Variants in TRPM6 observed in about 807,000 individuals in gnomAD.
TRPM6 encodes the protein transient receptor potential cation channel subfamily M member 6.
TRPM6 carries 111 observed loss-of-function variants against 247.6 expected under a neutral mutation model. The ratio of observed to expected loss-of-function variants is 0.45; its 90% CI spans 0.38 to 0.52. The LOEUF (loss-of-function observed/expected upper bound fraction) is 0.52. Among genes scored for constraint, TRPM6 ranks in the 20% least tolerant of loss-of-function variants. The pLI, the probability that TRPM6 is intolerant of heterozygous loss-of-function variation, is 0.00. For missense variants in TRPM6, 2,126 were observed against 2,421.5 expected, an observed-to-expected ratio of 0.88 and a Z score of 2.56; for synonymous variants, 892 against 853.8, an observed-to-expected ratio of 1.04 and a Z score of -0.78.
chr9:74,861,116 T>G (rs1402418315), intron 1 of TRPM6, among the ~76,000 whole-genome samples: 4 of 152,226 alleles, frequency 2.6e-5, no homozygotes, highest in African/African-American at 9.6e-5. Flanking sequence ...TTTCATTTAT[T>G]CATTCTCCAA....
chr9:74,735,440 G>A (rs9650767), intron 36 of TRPM6, among the ~76,000 whole-genome samples: 43,915 of 151,926 alleles, frequency 0.29, 7,023 homozygotes, highest in Middle Eastern at 0.47. Context: ...GTACATTGGT[G>A]GAAAGAAGCT....
intron 1 of TRPM6, among the ~76,000 whole-genome samples, chr9:74,870,146 A>G (rs554057288): frequency 4.1e-4 from 63 of 152,268 alleles, no homozygotes; most frequent in African/African-American, 1.3e-3. Context: ...ATCACAAAGC[A>G]TATGAAATCC....
chr9:74,846,529 C>T (rs565792295), intron 3 of TRPM6, among the ~76,000 whole-genome samples: 2 of 152,030 alleles, frequency 1.3e-5, no homozygotes, highest in African/African-American at 2.4e-5. Flanking sequence ...TTTTTCTTAT[C>T]GATATTTTAG....
chr9:74,807,984 C>A, intron 14 of TRPM6, 50 bp downstream of exon 14: 1 of 1,610,346 alleles, frequency 6.2e-7, no homozygotes, highest in South Asian at 1.1e-5. Context: ...TCCAAAACAA[C>A]AATTCCTAAT....
intron 3 of TRPM6, among the ~76,000 whole-genome samples, chr9:74,849,113 G>A (rs1372023561): frequency 6.6e-6 from 1 of 152,176 alleles, no homozygotes; most frequent in Non-Finnish European, 1.5e-5. Context: ...ACTTCGGGAG[G>A]CCGAGGTGGG....
At chr9:74,831,513 G>C (rs1829546072) in intron 6 of TRPM6, among the ~76,000 whole-genome samples, 1 of 151,840 alleles carries the variant, frequency 6.6e-6, no homozygotes, top group Non-Finnish European at 1.5e-5. Context: ...AAAATAAAAA[G>C]CTATGTCCCA....
chr9:74,755,314 C>T, intron 28 of TRPM6, 39 bp downstream of exon 28: 2 of 1,611,386 alleles, frequency 1.2e-6, no homozygotes, highest in Admixed American at 3.3e-5. Context: ...GAAAACCCCA[C>T]CAGGGTTTTT....
chr9:74,732,575 A>G (rs1400575568), intron 37 of TRPM6, 110 bp downstream of exon 37: 10 of 834,902 alleles, frequency 1.2e-5, no homozygotes, highest in Non-Finnish European at 1.7e-5. Context: ...GCTACCTAAA[A>G]ACCTTTCTAG....
intron 30 of TRPM6, among the ~76,000 whole-genome samples, chr9:74,748,630 T>A (rs487010): frequency 0.9 from 136,525 of 152,246 alleles, 61,442 homozygotes; most frequent in African/African-American, 0.96. Flanking sequence ...TAATTTAAAA[T>A]CAGAAAATGG....
At position 74,761,785 on chromosome 9, in the gene TRPM6, C is replaced by T. The variant is rs1826645864; in HGVS notation, c.4696G>A (p.Gly1566Arg). ...IKNLSGSSEI[G>R]QGAWVKAKML... is the part of the protein sequence containing the mutation. ...TTCGCTTTGACCCATGCTCCCTGCC[C>T]TATTTCTGAAGAGCCTGAAAGATCT... is the stretch of plus-strand genomic sequence containing the variant. The change falls in exon 27 of 39, where the codon GGG becomes AGG. Residue 1566 changes from glycine to arginine, a missense_variant. Physicochemically the swap from Gly to Arg is moderately radical, Grantham distance 125 (BLOSUM62 -2). This residue lies in a region of TRPM6 where 717 missense variants were observed against 715.9 expected (regional missense o/e 1.00). Coordinates refer to ENST00000360774, the MANE Select transcript of TRPM6 (RefSeq NM_017662.5). 6.2e-7 allele frequency: 1 copy of T among 1,613,856 alleles called. No homozygotes were observed. The highest frequency in any genetic ancestry group is 8.5e-7 in the Non-Finnish European group (1 of 1,179,830).
Position 74,808,105 on chromosome 9 carries a change from T to C in TRPM6, c.1567A>G (p.Arg523Gly). The change falls in exon 14 of 39, where the codon AGA becomes GGA. Residue 523 changes from arginine (R) to glycine (G), a missense_variant. Physicochemically the swap from Arg to Gly is moderately radical, Grantham distance 125. Transcript: ENST00000360774. ...IGLVVEYLIG[R>G]AYRSNYTRKH... Reference sequence around the variant, plus strand: ...CTAGTGTAGTTGCTGCGATATGCTCTACCAATGAGGTATTCTACTACTAAT... The same window carrying C: ...CTAGTGTAGTTGCTGCGATATGCTCCACCAATGAGGTATTCTACTACTAAT... 6.2e-7 allele frequency: 1 copy of C among 1,614,024 alleles called. No individual in the cohort carries two copies. The highest frequency in any genetic ancestry group is 8.5e-7 in the Non-Finnish European group (1 of 1,179,922).
At chr9:74,868,624 G>A (rs1830929220) in intron 1 of TRPM6, among the ~76,000 whole-genome samples, 1 of 152,188 alleles carries the variant, frequency 6.6e-6, no homozygotes, top group African/African-American at 2.4e-5. Flanking sequence ...TAGGCAACAG[G>A]ACACTAGTGA....
intron 1 of TRPM6, among the ~76,000 whole-genome samples, chr9:74,870,926 C>A (rs187307557): frequency 1.3e-5 from 2 of 151,328 alleles, no homozygotes; most frequent in African/African-American, 4.8e-5. Context: ...GAGAGATACT[C>A]CGTCTCAAAA....
At chr9:74,781,190 G>A (rs1011383089) in intron 23 of TRPM6, among the ~76,000 whole-genome samples, 1 of 151,950 alleles carries the variant, frequency 6.6e-6, no homozygotes, top group African/African-American at 2.4e-5. Flanking sequence ...TAAAAGGTTG[G>A]GGAGAAGATG....
chr9:74,745,910 G>A (rs1482170109), intron 31 of TRPM6, among the ~76,000 whole-genome samples: 1 of 152,136 alleles, frequency 6.6e-6, no homozygotes, highest in African/African-American at 2.4e-5. Context: ...TAGTTTGGAG[G>A]CCATACTATA....
intron 1 of TRPM6, among the ~76,000 whole-genome samples, chr9:74,871,421 G>GT (rs1000397099): frequency 2.6e-4 from 40 of 151,522 alleles, no homozygotes; most frequent in South Asian, 6.3e-4. Flanking sequence ...TCTGCACCTT[G>GT]TTTTTTTTCT....
intron 15 of TRPM6, among the ~76,000 whole-genome samples, chr9:74,802,945 G>A (rs1001318235): frequency 1.5e-4 from 23 of 151,838 alleles, no homozygotes; most frequent in African/African-American, 2.4e-4. Context: ...ACCATTTCTC[G>A]GACACAATTA....
intron 36 of TRPM6, among the ~76,000 whole-genome samples, chr9:74,735,410 T>G (rs778256179): frequency 3.9e-5 from 6 of 152,106 alleles, no homozygotes; most frequent in Non-Finnish European, 8.8e-5. Flanking sequence ...CCAACCATCA[T>G]TGAGTACATC....
At chr9:74,750,282 A>G (rs1484575169) in intron 30 of TRPM6, among the ~76,000 whole-genome samples, 1 of 152,246 alleles carries the variant, frequency 6.6e-6, no homozygotes, top group Non-Finnish European at 1.5e-5. Flanking sequence ...AAACGTAATC[A>G]GGTGTTCAGT....
Sources: gnomAD v4.1 joint callset for allele counts (sites outside exome capture counted in the v4.1 genomes callset) on GRCh38, gnomAD v4.1.1 for gene constraint, gnomAD v4.1.1 regional missense constraint, MANE v1.5 for transcripts, NCBI Gene and HGNC (gene_info 2026-07-23, HGNC 2026-07-21) for gene names.